The following NXT2 variants were observed in gnomAD, a reference collection of about 807,000 sequenced individuals.
NXT2 encodes the protein nuclear transport factor 2 like export factor 2.
A neutral mutation model predicts 9.6 loss-of-function variants in NXT2; 1 was observed. That is an observed-to-expected ratio of 0.10 (90% CI 0.04 to 0.49). The LOEUF (loss-of-function observed/expected upper bound fraction) is 0.49. NXT2 is among the 20% of genes least tolerant of loss of function. The pLI, the probability that NXT2 is intolerant of heterozygous loss-of-function variation, is 0.95. For missense variants in NXT2, 48 were observed against 100.3 expected (o/e 0.48, Z 2.23); for synonymous variants, 22 against 35.4 (o/e 0.62, Z 1.34).
Position 109,542,762 on chromosome X carries a change from G to T in NXT2, c.*74G>T. 1 of 838,797 alleles carries T rather than the reference G, an allele frequency of 1.2e-6. No homozygotes were observed. The highest frequency in any genetic ancestry group is 1.7e-6 in the Non-Finnish European group (1 of 597,734). 69.1% of individuals were successfully genotyped at this position (838,797 alleles called of 1,213,427 possible). ...ATTTATGTGAATTATTTTGATTGTA[G>T]AAGCACTATAATATGTGCTGAAACT... is the stretch of plus-strand genomic sequence containing the variant. On this transcript the variant is annotated 3_prime_UTR_variant, in exon 4 of 4. Coordinates refer to ENST00000372106, the MANE Select transcript of NXT2 (RefSeq NM_001242617.2).
chrX:109,537,174 C>G (rs1933296468), intron 1 of NXT2, 153 bp downstream of exon 1: 2 of 1,056,524 alleles, frequency 1.9e-6, no homozygotes, highest in Non-Finnish European at 2.4e-6. Context: ...GCTTTGCTGC[C>G]CGCCCTGCCG....
chrX:109,541,960 T>G (rs1933427441), intron 3 of NXT2, among the ~76,000 whole-genome samples: 1 of 111,695 alleles, frequency 9.0e-6, no homozygotes, highest in African/African-American at 3.2e-5. Flanking sequence ...ATACCATATC[T>G]CTGATTAATG....
upstream of NXT2, chrX:109,536,021 T>C: frequency 9.6e-7 from 1 of 1,040,047 alleles, no homozygotes; most frequent in South Asian, 2.1e-5. Flanking sequence ...AAATCAGAAG[T>C]CATTGGCGGC....
rs1933469043 is a variant in NXT2 at position 109,543,725 on chromosome X, C to T, written c.*1037C>T. The T allele has an allele frequency of 9.0e-6, 1 of 111,423 alleles. No homozygotes were observed. Among genetic ancestry groups the T allele is most frequent in the Non-Finnish European group, 1.9e-5 (1 of 52,924 alleles). The allele number at this position is 111,423 out of a possible 1,213,427, so 9.2% of individuals were successfully genotyped here. A position where few individuals can be genotyped will look rare whatever the true frequency, so the allele number is the denominator to read the frequency against. ...AACAGCAATAAACCTAACCTTTTAA[C>T]AGGGTCTAACATGAGAGTTGGAGTC... On this transcript the variant is annotated 3_prime_UTR_variant, in exon 4 of 4. Coordinates refer to ENST00000372106, the MANE Select transcript of NXT2 (RefSeq NM_001242617.2).
In NXT2 at chrX:109,543,282, A is replaced by G. The variant is rs757229017; in HGVS notation, c.*594A>G. On this transcript the variant is annotated 3_prime_UTR_variant, in exon 4 of 4. Coordinates refer to ENST00000372106, the MANE Select transcript of NXT2 (RefSeq NM_001242617.2). Reference sequence around the variant, plus strand: ...TTTTTTGTGTGAAGTAAATTAATCAACTAGAGAGGTGCAAAACGTTCTCAG... The same window carrying G: ...TTTTTTGTGTGAAGTAAATTAATCAGCTAGAGAGGTGCAAAACGTTCTCAG... 2 of 112,364 alleles carry G rather than the reference A, an allele frequency of 1.8e-5. No individual in the cohort carries two copies. The highest frequency in any genetic ancestry group is 5.6e-4 in the East Asian group (2 of 3,599). The allele number at this position is 112,364 out of a possible 1,213,427, so 9.3% of individuals were successfully genotyped here. A position where few individuals can be genotyped will look rare whatever the true frequency, so the allele number is the denominator to read the frequency against.
upstream of NXT2, chrX:109,536,741 T>G: frequency 1.2e-6 from 1 of 803,062 alleles, no homozygotes; most frequent in Non-Finnish European, 1.6e-6. Flanking sequence ...CTTTTAAATT[T>G]TAAACTAAGT....
intron 1 of NXT2, chrX:109,537,298 T>C: frequency 4.3e-6 from 4 of 934,829 alleles, no homozygotes; most frequent in Non-Finnish European, 5.3e-6. Context: ...TGCAGTTTCT[T>C]TCTCTCGATT....
chrX:109,536,746 C>T, upstream of NXT2: 1 of 809,056 alleles, frequency 1.2e-6, no homozygotes, highest in Non-Finnish European at 1.6e-6. Context: ...AAATTTTAAA[C>T]TAAGTATCAA....
At chrX:109,536,051 A>C, upstream of NXT2, 1 of 804,183 alleles carries the variant, frequency 1.2e-6, no homozygotes. Context: ...AGAGGTTTTT[A>C]AGGGGTGTTG....
At chrX:109,538,479 A>G (rs1415462547) in intron 2 of NXT2, among the ~76,000 whole-genome samples, 1 of 111,641 alleles carries the variant, frequency 9.0e-6, no homozygotes, top group African/African-American at 3.3e-5. Context: ...AGTTCCATCA[A>G]TTAACCAATA....
chrX:109,536,901 G>A lies in NXT2; in HGVS notation c.-106G>A. On this transcript the variant is annotated 5_prime_UTR_variant, in exon 1 of 4. Coordinates refer to ENST00000372106, the MANE Select transcript of NXT2 (RefSeq NM_001242617.2). ...GTGGAAAATTTTGTGCGTTTGGCGG[G>A]TTTCGCTCTCTTCATAAGTATTGAT... 1 of 1,201,893 alleles carries A rather than the reference G, an allele frequency of 8.3e-7. No individual in the cohort carries two copies. The highest frequency in any genetic ancestry group is 3.0e-5 in the East Asian group (1 of 33,373).
chrX:109,540,477 G>A (rs1419045837), intron 2 of NXT2, among the ~76,000 whole-genome samples: 1 of 110,249 alleles, frequency 9.1e-6, no homozygotes, highest in Non-Finnish European at 1.9e-5. Context: ...ACAGGCAACT[G>A]CCACCACGCC....
intron 1 of NXT2, among the ~76,000 whole-genome samples, chrX:109,537,708 G>GT (rs1740253237): frequency 9.0e-6 from 1 of 111,449 alleles, no homozygotes; most frequent in Admixed American, 9.6e-5. Context: ...GGTTCAGGTG[G>GT]TGTCATTTTC....
intron 2 of NXT2, 44 bp from the exon 3 acceptor site, chrX:109,541,431 G>A (rs1933416482): frequency 9.1e-7 from 1 of 1,103,431 alleles, no homozygotes; most frequent in South Asian, 2.1e-5. Context: ...TGTTTATCTA[G>A]AAACAGAATT....
chrX:109,543,665 A>G lies in NXT2; in HGVS notation c.*977A>G, dbSNP rs1448111016. ...CACCTCATACTTATCACCAATGTAT[A>G]TCTCCATTTATTCAATAACTTACTG... On this transcript the variant is annotated 3_prime_UTR_variant, in exon 4 of 4. Coordinates refer to ENST00000372106, the MANE Select transcript of NXT2 (RefSeq NM_001242617.2). 8.9e-6 allele frequency: 1 copy of G among 112,085 alleles called. No individual in the cohort carries two copies. Among genetic ancestry groups the G allele is most frequent in the African/African-American group, 3.2e-5 (1 of 30,829 alleles). The allele number at this position is 112,085 out of a possible 1,213,427, so 9.2% of individuals were successfully genotyped here.
At chrX:109,537,578 G>GTT (rs1216499621) in intron 1 of NXT2, among the ~76,000 whole-genome samples, 1 of 111,224 alleles carries the variant, frequency 9.0e-6, no homozygotes, top group Non-Finnish European at 1.9e-5. Context: ...GTGTGTGTGT[G>GTT]TGTGTGTGTG....
chrX:109,541,014 A>G (rs1933406897), intron 2 of NXT2, among the ~76,000 whole-genome samples: 2 of 112,039 alleles, frequency 1.8e-5, no homozygotes, highest in Non-Finnish European at 3.8e-5. Context: ...AACACATGCA[A>G]ATATTAAATG....
upstream of NXT2, chrX:109,536,791 G>C: frequency 1.9e-6 from 2 of 1,033,788 alleles, no homozygotes. Context: ...GGATCTTCAG[G>C]AACTGAAGGG....
In NXT2 at chrX:109,536,904, T is replaced by G. The variant is rs752689038; in HGVS notation, c.-103T>G. The stretch of plus-strand genomic sequence containing the variant: ...GAAAATTTTGTGCGTTTGGCGGGTT[T>G]CGCTCTCTTCATAAGTATTGATCAT... On this transcript the variant is annotated 5_prime_UTR_variant, in exon 1 of 4. Coordinates refer to ENST00000372106, the MANE Select transcript of NXT2 (RefSeq NM_001242617.2). 3.3e-6 allele frequency: 4 copies of G among 1,200,785 alleles called. No homozygotes were observed. In the African/African-American group the frequency reaches 7.0e-5, roughly 21 times the overall value.
Sources: allele counts gnomAD v4.1 joint callset (sites outside exome capture counted in the v4.1 genomes callset), GRCh38; gene constraint gnomAD v4.1.1; transcripts MANE v1.5; gene names NCBI Gene and HGNC (gene_info 2026-07-23, HGNC 2026-07-21).